The following MTUS2 variants were observed in gnomAD, a reference collection of about 807,000 sequenced individuals.
The protein encoded by MTUS2 is microtubule associated scaffold protein 2, also known as microtubule-associated tumor suppressor candidate 2.
In MTUS2, 40 loss-of-function variants were observed where a neutral mutation model predicts 114.1. That is an observed-to-expected ratio of 0.35 (90% CI 0.27 to 0.46). MTUS2 has a LOEUF of 0.46. MTUS2 is among the 20% of genes least tolerant of loss of function. The probability of loss-of-function intolerance (pLI) is 1.00; values close to 1 mark genes in which losing one functional copy is unlikely to be tolerated. For synonymous variants in MTUS2, 688 were observed against 672.0 expected, an observed-to-expected ratio of 1.02 and a Z score of -0.37; for missense variants, 1,679 against 1,705.4, an observed-to-expected ratio of 0.98 and a Z score of 0.27.
chr13:28,976,048 A>G (rs934659519), intron 2 of MTUS2, among the ~76,000 whole-genome samples: 2 of 152,052 alleles, frequency 1.3e-5, no homozygotes, highest in African/African-American at 4.8e-5. Flanking sequence ...AGGCAAAAAT[A>G]TAAAAAATAG....
intron 5 of MTUS2, among the ~76,000 whole-genome samples, chr13:29,265,214 G>A (rs945078074): frequency 6.6e-6 from 1 of 152,182 alleles, no homozygotes; most frequent in Non-Finnish European, 1.5e-5. Context: ...GGCATGAACA[G>A]AATGCAGCCA....
At chr13:29,248,917 G>C (rs1010803519) in intron 5 of MTUS2, among the ~76,000 whole-genome samples, 1 of 152,164 alleles carries the variant, frequency 6.6e-6, no homozygotes, top group Non-Finnish European at 1.5e-5. Context: ...TTGTTATTGT[G>C]AATAGTGCTG....
chr13:29,338,955 A>G (rs1402106598), intron 7 of MTUS2, among the ~76,000 whole-genome samples: 1 of 152,054 alleles, frequency 6.6e-6, no homozygotes, highest in Non-Finnish European at 1.5e-5. Flanking sequence ...CAGAATGCTC[A>G]GGTGAAGCAG....
At chr13:29,295,646 C>T (rs189942388) in intron 6 of MTUS2, among the ~76,000 whole-genome samples, 84 of 152,186 alleles carry the variant, frequency 5.5e-4, no homozygotes, top group Middle Eastern at 6.8e-3. Flanking sequence ...TGTATACATA[C>T]CTGTATTAGT....
At chr13:29,475,317 T>G (rs957629601) in intron 9 of MTUS2, among the ~76,000 whole-genome samples, 8 of 152,364 alleles carry the variant, frequency 5.3e-5, no homozygotes, top group East Asian at 3.9e-4. Context: ...TATAATTATG[T>G]TTAGTACATA....
intron 8 of MTUS2, among the ~76,000 whole-genome samples, chr13:29,421,330 G>A (rs1385961398): frequency 1.3e-5 from 2 of 152,216 alleles, no homozygotes; most frequent in Non-Finnish European, 2.9e-5. Context: ...GGAAAAAGGA[G>A]GGGTCTGGAT....
At chr13:28,936,208 G>C (rs1881892858) in intron 2 of MTUS2, among the ~76,000 whole-genome samples, 1 of 152,164 alleles carries the variant, frequency 6.6e-6, no homozygotes, top group Non-Finnish European at 1.5e-5. Context: ...GAAAGCAGGT[G>C]TCATGCCAGC....
At chr13:29,313,232 C>T (rs754286666) in intron 6 of MTUS2, among the ~76,000 whole-genome samples, 18 of 151,842 alleles carry the variant, frequency 1.2e-4, no homozygotes, top group African/African-American at 3.9e-4. Context: ...GTGTGAATTA[C>T]GAAGTTGCAG....
intron 4 of MTUS2, among the ~76,000 whole-genome samples, chr13:29,050,071 G>T (rs1449609075): frequency 6.6e-6 from 1 of 152,166 alleles, no homozygotes; most frequent in African/African-American, 2.4e-5. Flanking sequence ...CTGAGAAGAT[G>T]AGTAAGGGTC....
At chr13:29,029,124 T>A (rs1013448779) in intron 3 of MTUS2, among the ~76,000 whole-genome samples, 2 of 152,174 alleles carry the variant, frequency 1.3e-5, no homozygotes, top group East Asian at 1.9e-4. Flanking sequence ...AGCAACCAAA[T>A]CACACAGCTT....
intron 8 of MTUS2, among the ~76,000 whole-genome samples, chr13:29,417,171 G>T (rs144778112): frequency 4.1e-4 from 63 of 152,284 alleles, no homozygotes; most frequent in African/African-American, 1.4e-3. Context: ...TGAAGGGGGA[G>T]CCAGTGCATC....
chr13:29,299,574 G>T (rs553359859), intron 6 of MTUS2, among the ~76,000 whole-genome samples: 21 of 152,226 alleles, frequency 1.4e-4, no homozygotes, highest in African/African-American at 1.7e-4. Flanking sequence ...TGTCCCAGAA[G>T]GCCATATGGT....
intron 5 of MTUS2, among the ~76,000 whole-genome samples, chr13:29,247,559 G>T (rs901035211): frequency 6.6e-6 from 1 of 151,968 alleles, no homozygotes; most frequent in Non-Finnish European, 1.5e-5. Context: ...CAAATCAGAA[G>T]AAAGAAAATC....
chr13:29,077,203 G>C (rs1386695506), intron 4 of MTUS2, among the ~76,000 whole-genome samples: 2 of 152,114 alleles, frequency 1.3e-5, no homozygotes, highest in Non-Finnish European at 1.5e-5. Flanking sequence ...ATACTACAGA[G>C]TTGTGTTTAA....
chr13:29,045,505 A>G (rs1261318319), intron 4 of MTUS2, among the ~76,000 whole-genome samples: 7 of 152,182 alleles, frequency 4.6e-5, no homozygotes, highest in African/African-American at 1.7e-4. Flanking sequence ...GAGGACACAA[A>G]CATTCAGTTC....
rs1900046702 is a variant in MTUS2, at chr13:29,317,470, C to T, written c.2807-7143C>T. On this transcript the variant is annotated intron_variant, in intron 6 of 15. Transcript: ENST00000612955. ...TTTTTGAGACGGAGTCTCGCTCTGT[C>T]GCCCAGGCCGGACTGCGGACTGCAG... is the stretch of plus-strand genomic sequence containing the variant. Among the ~76,000 whole-genome samples the T allele has an allele frequency of 2.0e-4, 2 of 10,252 alleles. 1 individual carries two copies. Among genetic ancestry groups the T allele is most frequent in the African/African-American group, 4.0e-4 (2 of 5,058 alleles). The allele number at this position is 10,252 out of a possible 152,430, so 6.7% of individuals were successfully genotyped here.
rs1027349467 is a variant in MTUS2, at chr13:29,126,342, C to T, written c.2644+25372C>T. Among the ~76,000 whole-genome samples, 4 of 152,128 alleles carry T rather than the reference C, an allele frequency of 2.6e-5. No individual in the cohort carries two copies. The South Asian group carries it at 8.3e-4, about 32-fold the overall frequency. ...CTTTGTTCTCTGTGCTAACCTACAG[C>T]CGTATTTCCCATTCTTTCATTTCTC... is the stretch of plus-strand genomic sequence containing the variant. On this transcript the variant is annotated intron_variant, in intron 5 of 15. Transcript: ENST00000612955.
At chr13:29,256,124 C>T (rs566032635) in intron 5 of MTUS2, among the ~76,000 whole-genome samples, 1 of 152,304 alleles carries the variant, frequency 6.6e-6, no homozygotes, top group Non-Finnish European at 1.5e-5. Context: ...TAGAAGGGCA[C>T]TGGAGTATTA....
intron 6 of MTUS2, chr13:29,306,762 G>T: frequency 3.4e-6 from 1 of 292,816 alleles, no homozygotes; most frequent in Non-Finnish European, 7.0e-6. Context: ...ATTGCCAGCC[G>T]CATCCCTGAG....
Sources: gnomAD v4.1 joint callset for allele counts (sites outside exome capture counted in the v4.1 genomes callset) on GRCh38, gnomAD v4.1.1 for gene constraint, MANE v1.5 for transcripts, NCBI Gene and HGNC (gene_info 2026-07-23, HGNC 2026-07-21) for gene names.